Variants in KANK1 observed in about 807,000 individuals in gnomAD.
The protein encoded by KANK1 is KN motif and ankyrin repeat domains 1, also known as KN motif and ankyrin repeat domain-containing protein 1.
KANK1 carries 109 observed loss-of-function variants against 106.2 expected under a neutral mutation model. The observed-to-expected ratio is 1.03, with a 90% CI of 0.88 to 1.20. KANK1 has a LOEUF of 1.20. Ranked by LOEUF, KANK1 falls within the 50% of genes most tolerant of loss-of-function variation. The probability of loss-of-function intolerance (pLI) is 0.00; values close to 1 mark genes in which losing one functional copy is unlikely to be tolerated. For synonymous variants in KANK1, 873 were observed against 652.2 expected, an observed-to-expected ratio of 1.34 and a Z score of -5.16; for missense variants, 2,399 against 1,710.7, an observed-to-expected ratio of 1.40 and a Z score of -7.10.
upstream of KANK1, among the ~76,000 whole-genome samples, chr9:503,772 G>C (rs2058613199): frequency 1.3e-5 from 2 of 152,190 alleles, no homozygotes; most frequent in Admixed American, 6.5e-5. Flanking sequence ...ATTTGAAAAA[G>C]ACTGAAGTCA....
intron 1 of KANK1, among the ~76,000 whole-genome samples, chr9:610,474 A>G (rs1276604462): frequency 2.0e-5 from 3 of 152,178 alleles, no homozygotes; most frequent in Admixed American, 6.5e-5. Context: ...ATGATTTAAG[A>G]AATAGAATCC....
At chr9:633,259 AT>A (rs1430165573) in intron 1 of KANK1, among the ~76,000 whole-genome samples, 1 of 152,080 alleles carries the variant, frequency 6.6e-6, no homozygotes, top group Admixed American at 6.5e-5. Context: ...GATCGAGACC[AT>A]CCCGGCTAAC....
At chr9:727,039 A>G (rs1043261560) in intron 3 of KANK1, among the ~76,000 whole-genome samples, 3 of 152,224 alleles carry the variant, frequency 2.0e-5, no homozygotes, top group East Asian at 3.9e-4. Flanking sequence ...TTTAATACAC[A>G]TCATGCTCAT....
intron 1 of KANK1, among the ~76,000 whole-genome samples, chr9:639,158 A>G (rs181996888): frequency 4.2e-4 from 64 of 152,226 alleles, no homozygotes; most frequent in Admixed American, 2.8e-3. Flanking sequence ...AGGTCTCTTC[A>G]AAGCTGTCAT....
At chr9:623,529 G>A (rs181101332) in intron 1 of KANK1, among the ~76,000 whole-genome samples, 45 of 150,522 alleles carry the variant, frequency 3.0e-4, no homozygotes, top group African/African-American at 9.0e-4. Flanking sequence ...ACCTGAACCC[G>A]AAGAGGTCGA....
At chr9:601,668 A>G (rs1015703646) in intron 1 of KANK1, among the ~76,000 whole-genome samples, 3 of 151,736 alleles carry the variant, frequency 2.0e-5, no homozygotes, top group Non-Finnish European at 4.4e-5. Flanking sequence ...ACCCAATATT[A>G]TCATCATTAT....
intron 1 of KANK1, among the ~76,000 whole-genome samples, chr9:664,309 G>C (rs1046848036): frequency 6.6e-6 from 1 of 152,106 alleles, no homozygotes; most frequent in African/African-American, 2.4e-5. Flanking sequence ...ACATATGAGT[G>C]AGAACATGCG....
Position 632,882 on chromosome 9 carries a change from C to A in KANK1, c.-83-44008C>A, listed in dbSNP as rs368955574. On this transcript the variant is annotated intron_variant, in intron 1 of 11. Transcript: ENST00000382297. The stretch of plus-strand genomic sequence containing the variant: ...TTTTTTTTTGTAGTCTTAGTAGACA[C>A]GGGGTTTCGCCATGTTTGCCAGGCT... Among the ~76,000 whole-genome samples the A allele has an allele frequency of 2.0e-5, 3 of 151,376 alleles. 1 individual carries two copies. Among genetic ancestry groups the A allele is most frequent in the South Asian group, 2.1e-4 (1 of 4,784 alleles).
At position 736,995 on chromosome 9, in the gene KANK1, C is replaced by T. The variant is rs151137430; in HGVS notation, c.3334-1290C>T. On this transcript the variant is annotated intron_variant, in intron 7 of 11. Transcript: ENST00000382297. The stretch of plus-strand genomic sequence containing the variant: ...CCAAATTGCCGAGCATGGTGTCATC[C>T]ACACACACTGTGATGGGTACATCTT... Among the ~76,000 whole-genome samples the T allele has an allele frequency of 1.3e-3, 202 of 152,290 alleles. 1 individual carries two copies. The highest frequency in any genetic ancestry group is 4.6e-3 in the African/African-American group (192 of 41,556).
At position 712,404 on chromosome 9, in the gene KANK1, T is replaced by TG; in HGVS notation, c.1639dup (p.Val547GlyfsTer8). On this transcript the variant is annotated frameshift_variant, in exon 3 of 12. Transcript: ENST00000382297. LOFTEE classifies it high-confidence loss of function. ...TTGGGACCTCCGTGGAAACAAACAGTGTAGGCATCTCCTGCCAGCCTGAAT... is the reference window on the plus strand; with the variant it reads ...TTGGGACCTCCGTGGAAACAAACAGTGGTAGGCATCTCCTGCCAGCCTGAAT... The TG allele has an allele frequency of 6.2e-7, 1 of 1,614,064 alleles. No individual in the cohort carries two copies. The highest frequency in any genetic ancestry group is 8.5e-7 in the Non-Finnish European group (1 of 1,180,012).
chr9:637,740 A>T (rs1158332264), intron 1 of KANK1, among the ~76,000 whole-genome samples: 1 of 152,180 alleles, frequency 6.6e-6, no homozygotes, highest in African/African-American at 2.4e-5. Context: ...GGTGCTTGTC[A>T]GATACTTTTC....
chr9:534,062 AAG>A (rs1491453258), intron 1 of KANK1, among the ~76,000 whole-genome samples: 69 of 152,242 alleles, frequency 4.5e-4, no homozygotes, highest in African/African-American at 1.6e-3. Context: ...GATTGGGAGA[AAG>A]GGGGGGGCAG....
chr9:714,610 G>A (rs1197826516), intron 3 of KANK1, among the ~76,000 whole-genome samples: 2 of 151,944 alleles, frequency 1.3e-5, no homozygotes, highest in African/African-American at 2.4e-5. Flanking sequence ...TACCCACCTC[G>A]GCCTCCCAAA....
At chr9:605,930 G>A (rs1588181861) in intron 1 of KANK1, among the ~76,000 whole-genome samples, 2 of 151,726 alleles carry the variant, frequency 1.3e-5, no homozygotes, top group Admixed American at 1.3e-4. Context: ...CCGGGTCTGT[G>A]TTGTCAGGGG....
intron 1 of KANK1, among the ~76,000 whole-genome samples, chr9:609,287 C>G: frequency 6.6e-6 from 1 of 152,058 alleles, no homozygotes; most frequent in East Asian, 1.9e-4. Flanking sequence ...CTTAACAGTT[C>G]TTTGGGAATT....
intron 1 of KANK1, chr9:547,296 A>G (rs1047669410): frequency 3.3e-5 from 5 of 152,202 alleles, no homozygotes; most frequent in Admixed American, 1.3e-4. Flanking sequence ...ACATTTTGTC[A>G]ATGGGGAAGG....
At chr9:590,930 C>T (rs1824714859) in intron 1 of KANK1, among the ~76,000 whole-genome samples, 1 of 151,754 alleles carries the variant, frequency 6.6e-6, no homozygotes, top group African/African-American at 2.4e-5. Flanking sequence ...GAAGACTGAA[C>T]CGATTTACAG....
At chr9:558,125 A>T (rs1176782457) in intron 1 of KANK1, among the ~76,000 whole-genome samples, 1 of 152,162 alleles carries the variant, frequency 6.6e-6, no homozygotes, top group East Asian at 1.9e-4. Context: ...ATGGGCAGGC[A>T]CCTTTGAAAA....
intron 2 of KANK1, among the ~76,000 whole-genome samples, chr9:709,443 C>T (rs937187363): frequency 6.6e-6 from 1 of 152,142 alleles, no homozygotes; most frequent in Non-Finnish European, 1.5e-5. Context: ...CATCTCATCC[C>T]AGGCCTCCTG....
Sources: gnomAD v4.1 joint callset for allele counts (sites outside exome capture counted in the v4.1 genomes callset) on GRCh38, gnomAD v4.1.1 for gene constraint, MANE v1.5 for transcripts, NCBI Gene and HGNC (gene_info 2026-07-23, HGNC 2026-07-21) for gene names.